CAMKMT: variants seen among roughly 807,000 people sequenced by gnomAD.
CAMKMT encodes CaM KMT.
A neutral mutation model predicts 48.0 loss-of-function variants in CAMKMT; 53 were observed. That is an observed-to-expected ratio of 1.10 (90% CI 0.89 to 1.39). CAMKMT has a LOEUF of 1.39. Among genes scored for constraint, CAMKMT ranks in the 40% most tolerant of loss-of-function variants. The pLI is 0.00. For missense variants in CAMKMT, 428 were observed against 402.7 expected, an observed-to-expected ratio of 1.06 and a Z score of -0.54; for synonymous variants, 165 against 152.3, an observed-to-expected ratio of 1.08 and a Z score of -0.61.
At chr2:44,746,308 C>G (rs1234281106) in intron 8 of CAMKMT, among the ~76,000 whole-genome samples, 1 of 152,214 alleles carries the variant, frequency 6.6e-6, no homozygotes, top group Non-Finnish European at 1.5e-5. Flanking sequence ...GCTCTATTCA[C>G]AAACCTATTC....
At chr2:44,497,230 C>A (rs1669790984) in intron 3 of CAMKMT, among the ~76,000 whole-genome samples, 1 of 152,136 alleles carries the variant, frequency 6.6e-6, no homozygotes, top group Non-Finnish European at 1.5e-5. Context: ...CTACACATCG[C>A]TGTTTCACAA....
chr2:44,448,903 T>C (rs187760081), intron 3 of CAMKMT, among the ~76,000 whole-genome samples: 1 of 152,332 alleles, frequency 6.6e-6, no homozygotes, highest in East Asian at 1.9e-4. Flanking sequence ...AAGACTATTT[T>C]AAGATAGCAT....
At chr2:44,762,849 ATCAG>A (rs1407931195) in intron 9 of CAMKMT, among the ~76,000 whole-genome samples, 7 of 152,218 alleles carry the variant, frequency 4.6e-5, no homozygotes, top group African/African-American at 9.6e-5. Flanking sequence ...ATTTCTGCTC[ATCAG>A]TCAAAGTGTT....
chr2:44,475,750 AAAAG>A (rs1304335424), intron 3 of CAMKMT, among the ~76,000 whole-genome samples: 5 of 152,216 alleles, frequency 3.3e-5, no homozygotes, highest in African/African-American at 1.2e-4. Context: ...TTTTATTTAA[AAAAG>A]AAATCTTATG....
chr2:44,646,841 C>T (rs988742069), intron 3 of CAMKMT, among the ~76,000 whole-genome samples: 1 of 152,098 alleles, frequency 6.6e-6, no homozygotes, highest in Admixed American at 6.5e-5. Flanking sequence ...TAAAGAGCTG[C>T]ATGTTGTCTC....
chr2:44,368,551 A>C (rs1678852096), intron 1 of CAMKMT, among the ~76,000 whole-genome samples: 1 of 152,198 alleles, frequency 6.6e-6, no homozygotes, highest in Non-Finnish European at 1.5e-5. Flanking sequence ...TAGATCATGC[A>C]GATCATACTA....
At chr2:44,598,055 A>T (rs918907717) in intron 3 of CAMKMT, among the ~76,000 whole-genome samples, 4 of 151,858 alleles carry the variant, frequency 2.6e-5, no homozygotes, top group African/African-American at 9.7e-5. Context: ...TATTAATGCC[A>T]TAAAATAATA....
intron 7 of CAMKMT, among the ~76,000 whole-genome samples, chr2:44,719,346 C>G (rs1678341323): frequency 1.3e-5 from 2 of 152,126 alleles, no homozygotes; most frequent in South Asian, 4.1e-4. Flanking sequence ...TTGTTCAAAG[C>G]ATGTTGGCTT....
At chr2:44,472,463 A>G (rs1345230295) in intron 3 of CAMKMT, among the ~76,000 whole-genome samples, 3 of 152,200 alleles carry the variant, frequency 2.0e-5, no homozygotes, top group South Asian at 2.1e-4. Flanking sequence ...CAATCTAATA[A>G]CTTGTCTAAG....
intron 3 of CAMKMT, among the ~76,000 whole-genome samples, chr2:44,654,063 T>C (rs887219976): frequency 1.3e-5 from 2 of 152,206 alleles, no homozygotes; most frequent in African/African-American, 4.8e-5. Flanking sequence ...AAATACCTGT[T>C]TTTGGATGCT....
chr2:44,588,239 C>T (rs1335439588), intron 3 of CAMKMT, among the ~76,000 whole-genome samples: 9 of 49,552 alleles, frequency 1.8e-4, no homozygotes, highest in Non-Finnish European at 3.9e-4. Context: ...CCCCTCCGTC[C>T]GGCAGCCACC....
chr2:44,695,092 T>C (rs984438454), intron 3 of CAMKMT, among the ~76,000 whole-genome samples: 37 of 152,256 alleles, frequency 2.4e-4, no homozygotes, highest in African/African-American at 8.7e-4. Context: ...ACTTTGGGCA[T>C]TCTGCAGCAC....
chr2:44,486,108 G>A (rs1220650356), intron 3 of CAMKMT, among the ~76,000 whole-genome samples: 1 of 152,126 alleles, frequency 6.6e-6, no homozygotes, highest in Non-Finnish European at 1.5e-5. Flanking sequence ...GGGATTACAG[G>A]CCCGTGCCAC....
intron 3 of CAMKMT, among the ~76,000 whole-genome samples, chr2:44,685,032 G>A (rs865816452): frequency 9.9e-5 from 15 of 152,130 alleles, no homozygotes; most frequent in African/African-American, 1.9e-4. Flanking sequence ...TATTCTCCAT[G>A]AATACAGCAT....
At chr2:44,750,774 G>A (rs1573228713) in intron 8 of CAMKMT, among the ~76,000 whole-genome samples, 2 of 152,192 alleles carry the variant, frequency 1.3e-5, no homozygotes, top group East Asian at 3.9e-4. Context: ...AACAATTTGG[G>A]AGACTGAGGT....
intron 3 of CAMKMT, among the ~76,000 whole-genome samples, chr2:44,605,317 A>T (rs1178521428): frequency 6.6e-6 from 1 of 152,118 alleles, no homozygotes; most frequent in Admixed American, 6.5e-5. Context: ...TGCTCAAAGT[A>T]TGTTTTTGTT....
intron 3 of CAMKMT, among the ~76,000 whole-genome samples, chr2:44,592,224 A>G (rs981488798): frequency 6.6e-6 from 1 of 151,094 alleles, no homozygotes; most frequent in Admixed American, 6.6e-5. Context: ...AATAATAATA[A>G]ATAAATAAAT....
intron 3 of CAMKMT, among the ~76,000 whole-genome samples, chr2:44,421,742 C>T (rs916238980): frequency 8.5e-5 from 13 of 152,220 alleles, no homozygotes; most frequent in South Asian, 2.1e-4. Context: ...TTAGGGTACA[C>T]GAATCAATTA....
chr2:44,396,782 T>G (rs1175512511), intron 3 of CAMKMT, among the ~76,000 whole-genome samples: 1 of 149,552 alleles, frequency 6.7e-6, no homozygotes, highest in Non-Finnish European at 1.5e-5. Context: ...GGAACCAGGA[T>G]GGGAACTGTG....
Sources: gnomAD v4.1 joint callset for allele counts (sites outside exome capture counted in the v4.1 genomes callset) on GRCh38, gnomAD v4.1.1 for gene constraint, MANE v1.5 for transcripts, NCBI Gene and HGNC (gene_info 2026-07-23, HGNC 2026-07-21) for gene names.